DMD: variants seen among roughly 807,000 people sequenced by gnomAD.
DMD encodes the protein dystrophin, also known as mutant dystrophin.
Under a neutral mutation model 330.1 loss-of-function variants are expected in DMD, and 63 were observed. That is an observed-to-expected ratio of 0.19 (90% CI 0.16 to 0.24). The LOEUF is 0.24. Among genes scored for constraint, DMD ranks in the 10% least tolerant of loss-of-function variants. The pLI, the probability that DMD is intolerant of heterozygous loss-of-function variation, is 1.00. For synonymous variants in DMD, 1,223 were observed against 959.8 expected, an observed-to-expected ratio of 1.27 and a Z score of -5.07; for missense variants, 3,344 against 2,684.1, an observed-to-expected ratio of 1.25 and a Z score of -5.43.
intron 4 of DMD, among the ~76,000 whole-genome samples, chrX:32,827,062 C>CG (rs2078763420): frequency 1.6e-5 from 1 of 63,235 alleles, no homozygotes; most frequent in African/African-American, 6.6e-5. Flanking sequence ...TCGCACCCCC[C>CG]CCCCACACAC....
At chrX:32,808,913 A>C (rs139583470) in intron 7 of DMD, among the ~76,000 whole-genome samples, 2,114 of 111,863 alleles carry the variant, frequency 0.019, 54 homozygotes, top group African/African-American at 0.064. Flanking sequence ...GTAGCACCAG[A>C]GATAAGAGTC....
intron 54 of DMD, among the ~76,000 whole-genome samples, chrX:31,630,045 C>T (rs749284488): frequency 8.9e-6 from 1 of 112,348 alleles, no homozygotes; most frequent in South Asian, 3.7e-4. Context: ...ATGAGCTGCG[C>T]TTGATGCATC....
At chrX:31,685,276 C>T (rs1372176423) in intron 52 of DMD, among the ~76,000 whole-genome samples, 2 of 111,894 alleles carry the variant, frequency 1.8e-5, no homozygotes, top group Non-Finnish European at 3.8e-5. Context: ...GAAAATGACA[C>T]TCAAAAAGAG....
intron 17 of DMD, among the ~76,000 whole-genome samples, chrX:32,525,268 A>G (rs910087416): frequency 8.9e-6 from 1 of 111,961 alleles, no homozygotes; most frequent in African/African-American, 3.2e-5. Context: ...CTACACTCTA[A>G]TACTTAACAT....
At chrX:31,524,313 G>A (rs1052652004) in intron 55 of DMD, among the ~76,000 whole-genome samples, 6 of 112,245 alleles carry the variant, frequency 5.3e-5, no homozygotes, top group Non-Finnish European at 1.1e-4. Context: ...TGATGGTAAT[G>A]TTTTAGCTGC....
Position 31,321,607 on chromosome X carries a change from A to AAAAAAAAAAAAAAAAAAAAAAGAAAG in DMD, c.9224+1990_9224+1991insCTTTCTTTTTTTTTTTTTTTTTTTTT, listed in dbSNP as rs1388525572. Among the ~76,000 whole-genome samples, 11 of 89,271 alleles carry AAAAAAAAAAAAAAAAAAAAAAGAAAG rather than the reference A, an allele frequency of 1.2e-4. 1 individual carries two copies. Among genetic ancestry groups the AAAAAAAAAAAAAAAAAAAAAAGAAAG allele is most frequent in the African/African-American group, 4.7e-4 (8 of 16,983 alleles). 77.5% of individuals were successfully genotyped at this position (89,271 alleles called of 115,157 possible). On this transcript the variant is annotated intron_variant, in intron 62 of 78. Coordinates refer to ENST00000357033, the MANE Select transcript of DMD (RefSeq NM_004006.3). ...TCAAAAAAAAAAAAAAAAAAAAAAA[A>AAAAAAAAAAAAAAAAAAAAAAGAAAG]AAAGAAAGAAACCAAGATTTTTATA...
intron 44 of DMD, among the ~76,000 whole-genome samples, chrX:32,017,028 T>C: frequency 8.9e-6 from 1 of 112,113 alleles, no homozygotes; most frequent in Non-Finnish European, 1.9e-5. Context: ...ATAAAATGCT[T>C]GGGGAGCAAT....
intron 51 of DMD, among the ~76,000 whole-genome samples, chrX:31,734,566 C>CTGTAAGT (rs1345419771): frequency 9.0e-6 from 1 of 111,567 alleles, no homozygotes; most frequent in East Asian, 2.8e-4. Flanking sequence ...ACAGTTTTGA[C>CTGTAAGT]CAACAGAGGC....
At chrX:31,251,554 C>T (rs2049368295) in intron 63 of DMD, among the ~76,000 whole-genome samples, 1 of 111,877 alleles carries the variant, frequency 8.9e-6, no homozygotes, top group Non-Finnish European at 1.9e-5. Flanking sequence ...GCTAATGATT[C>T]ATCCACTATG....
At chrX:31,262,880 C>T (rs112733445) in intron 62 of DMD, among the ~76,000 whole-genome samples, 4,584 of 112,440 alleles carry the variant, frequency 0.041, 98 homozygotes, top group Non-Finnish European at 0.062. Context: ...TTTCTCAGCT[C>T]GGAAAGTGAG....
chrX:31,509,489 GT>G (rs775516265), intron 55 of DMD, among the ~76,000 whole-genome samples: 26,420 of 110,581 alleles, frequency 0.24, 3,160 homozygotes, highest in African/African-American at 0.46. Context: ...AGTTGTTCAA[GT>G]AAAAGTATTC....
At chrX:32,419,234 C>T (rs2098179528) in intron 29 of DMD, among the ~76,000 whole-genome samples, 1 of 111,223 alleles carries the variant, frequency 9.0e-6, no homozygotes, top group Non-Finnish European at 1.9e-5. Flanking sequence ...AAGAGAAAAG[C>T]AGAGGGAGAA....
intron 7 of DMD, among the ~76,000 whole-genome samples, chrX:32,744,162 C>T (rs2069671488): frequency 9.1e-6 from 1 of 110,457 alleles, no homozygotes; most frequent in Non-Finnish European, 1.9e-5. Context: ...ATTTCTGCAA[C>T]CATCTTCTAG....
chrX:31,232,017 A>C, intron 63 of DMD, among the ~76,000 whole-genome samples: 1 of 107,293 alleles, frequency 9.3e-6, no homozygotes, highest in Non-Finnish European at 1.9e-5. Context: ...ATTGAAGCAA[A>C]GACTTGAAGG....
chrX:32,620,160 T>C (rs931147691), intron 11 of DMD, among the ~76,000 whole-genome samples: 1 of 111,690 alleles, frequency 9.0e-6, no homozygotes, highest in African/African-American at 3.2e-5. Flanking sequence ...ATACTTAAAT[T>C]AGTATAAGTG....
chrX:31,508,264 A>G, intron 55 of DMD: 1 of 1,205,137 alleles, frequency 8.3e-7, no homozygotes, highest in Non-Finnish European at 1.1e-6. Flanking sequence ...GCACTACAGC[A>G]CTGATCCTGT....
chrX:31,886,954 A>G (rs2094164079), intron 47 of DMD, among the ~76,000 whole-genome samples: 1 of 111,936 alleles, frequency 8.9e-6, no homozygotes, highest in African/African-American at 3.2e-5. Context: ...TGCCCAACAT[A>G]TCTATCAACA....
At chrX:32,576,754 T>C (rs951945931) in intron 13 of DMD, among the ~76,000 whole-genome samples, 33 of 107,057 alleles carry the variant, frequency 3.1e-4, no homozygotes, top group Admixed American at 1.0e-3. Flanking sequence ...GAGGGAGGGA[T>C]TGCTGTAATT....
chrX:31,313,061 T>C lies in DMD; in HGVS notation c.9224+10537A>G, dbSNP rs762821578. Reference sequence around the variant, plus strand: ...CAAACCTGCACGTTCTGCACATGTATCTCGGTTTTTTGGTGTGTTTTTTTT... The same window carrying C: ...CAAACCTGCACGTTCTGCACATGTACCTCGGTTTTTTGGTGTGTTTTTTTT... On this transcript the variant is annotated intron_variant, in intron 62 of 78. Transcript: ENST00000357033. Among the ~76,000 whole-genome samples, 5 of 101,216 alleles carry C rather than the reference T, an allele frequency of 4.9e-5. No homozygotes were observed. The South Asian group carries it at 2.3e-3, about 46-fold the overall frequency. The allele number at this position is 101,216 out of a possible 115,157, so 87.9% of individuals were successfully genotyped here.
Sources: gnomAD v4.1 joint callset for allele counts (sites outside exome capture counted in the v4.1 genomes callset) on GRCh38, gnomAD v4.1.1 for gene constraint, MANE v1.5 for transcripts, NCBI Gene and HGNC (gene_info 2026-07-23, HGNC 2026-07-21) for gene names.